Variants in GRIN2A observed in about 807,000 individuals in gnomAD.
The protein encoded by GRIN2A is glutamate ionotropic receptor NMDA type subunit 2A.
GRIN2A carries 22 observed loss-of-function variants against 113.4 expected under a neutral mutation model. That is an observed-to-expected ratio of 0.19 (90% CI 0.14 to 0.28). The LOEUF (loss-of-function observed/expected upper bound fraction) is 0.28, where lower values mean the gene tolerates loss of function less well. GRIN2A is among the 10% of genes least tolerant of loss of function. GRIN2A has a pLI of 1.00. For synonymous variants in GRIN2A, 827 were observed against 738.4 expected (o/e 1.12, Z -1.94); for missense variants, 1,502 against 1,887.0 (o/e 0.80, Z 3.78).
At chr16:9,873,666 G>C (rs2043308168) in intron 4 of GRIN2A, among the ~76,000 whole-genome samples, 1 of 152,216 alleles carries the variant, frequency 6.6e-6, no homozygotes, top group Non-Finnish European at 1.5e-5. Context: ...TGCAGAAGAA[G>C]GCTGAACAAG....
intron 8 of GRIN2A, among the ~76,000 whole-genome samples, chr16:9,830,754 T>C (rs990107003): frequency 3.9e-5 from 6 of 152,212 alleles, no homozygotes; most frequent in African/African-American, 1.2e-4. Flanking sequence ...GCTGTACTTA[T>C]AATATCCATG....
chr16:10,085,913 G>A (rs2048077480), intron 2 of GRIN2A, among the ~76,000 whole-genome samples: 1 of 152,152 alleles, frequency 6.6e-6, no homozygotes, highest in Non-Finnish European at 1.5e-5. Flanking sequence ...CAAAGTTTAT[G>A]CGCTTAACCA....
intron 4 of GRIN2A, among the ~76,000 whole-genome samples, chr16:9,857,771 T>C (rs2042994386): frequency 1.3e-5 from 2 of 152,260 alleles, no homozygotes; most frequent in South Asian, 4.1e-4. Context: ...ATTTTGTCAT[T>C]GTTTAAATCA....
chr16:10,031,831 C>A (rs1160192494), intron 2 of GRIN2A, among the ~76,000 whole-genome samples: 2 of 152,356 alleles, frequency 1.3e-5, no homozygotes, highest in African/African-American at 4.8e-5. Flanking sequence ...TCACTCTTAC[C>A]CTCCAAGCAC....
At chr16:9,789,167 G>A (rs1902434257) in intron 11 of GRIN2A, among the ~76,000 whole-genome samples, 1 of 152,198 alleles carries the variant, frequency 6.6e-6, no homozygotes, top group African/African-American at 2.4e-5. Context: ...CAATGACTAG[G>A]CTTTACATGT....
intron 2 of GRIN2A, among the ~76,000 whole-genome samples, chr16:10,037,964 G>C (rs767464018): frequency 6.6e-6 from 1 of 152,158 alleles, no homozygotes; most frequent in Admixed American, 6.5e-5. Context: ...AGTCCTTCCA[G>C]ACAAACCCAG....
chr16:10,033,736 C>T (rs2046971526), intron 2 of GRIN2A: 1 of 152,352 alleles, frequency 6.6e-6, no homozygotes, highest in Non-Finnish European at 1.5e-5. Flanking sequence ...CATGTGCGAC[C>T]AGCATTAAAG....
At chr16:9,974,940 A>C (rs2141753135) in intron 2 of GRIN2A, among the ~76,000 whole-genome samples, 1 of 152,290 alleles carries the variant, frequency 6.6e-6, no homozygotes, top group African/African-American at 2.4e-5. Context: ...AAAAGCTCTC[A>C]ATTTTCACCA....
chr16:10,031,712 C>G (rs1357308579), intron 2 of GRIN2A: 1 of 152,306 alleles, frequency 6.6e-6, no homozygotes, highest in Admixed American at 6.5e-5. Flanking sequence ...TGTTCACCAC[C>G]ATCCACCCTG....
At chr16:9,949,405 G>T in intron 2 of GRIN2A, among the ~76,000 whole-genome samples, 1 of 152,024 alleles carries the variant, frequency 6.6e-6, no homozygotes, top group South Asian at 2.1e-4. Flanking sequence ...TGGTCAAATA[G>T]GACAAATGGA....
At chr16:10,042,711 CA>C (rs1295349302) in intron 2 of GRIN2A, among the ~76,000 whole-genome samples, 1 of 152,168 alleles carries the variant, frequency 6.6e-6, no homozygotes, top group Non-Finnish European at 1.5e-5. Flanking sequence ...CAATCCCGGA[CA>C]ATGATATATT....
At chr16:10,066,179 G>A (rs932483421) in intron 2 of GRIN2A, among the ~76,000 whole-genome samples, 4 of 152,130 alleles carry the variant, frequency 2.6e-5, no homozygotes, top group African/African-American at 9.7e-5. Context: ...TGGAGTGGGA[G>A]GCTGCCAGCC....
chr16:10,144,920 C>CAGAA (rs554767267), intron 2 of GRIN2A, among the ~76,000 whole-genome samples: 2 of 59,416 alleles, frequency 3.4e-5, no homozygotes, highest in Non-Finnish European at 6.0e-5. Flanking sequence ...GACCCTGTCT[C>CAGAA]AAAAAAAAAA....
At chr16:10,147,597 G>A (rs12926704) in intron 2 of GRIN2A, among the ~76,000 whole-genome samples, 17,339 of 149,068 alleles carry the variant, frequency 0.12, 1,043 homozygotes, top group African/African-American at 0.16. Flanking sequence ...AGATTGCACC[G>A]CTGCTCTCCA....
intron 10 of GRIN2A, among the ~76,000 whole-genome samples, chr16:9,804,510 T>C (rs2041927382): frequency 6.6e-6 from 1 of 152,030 alleles, no homozygotes; most frequent in Admixed American, 6.6e-5. Flanking sequence ...ACCAGGGTTG[T>C]GTTTCTCCCA....
intron 2 of GRIN2A, among the ~76,000 whole-genome samples, chr16:10,064,687 AC>A (rs1393923298): frequency 6.6e-6 from 1 of 152,252 alleles, no homozygotes; most frequent in African/African-American, 2.4e-5. Flanking sequence ...AGACCCTGCT[AC>A]TAACAACCCC....
chr16:9,938,871 C>G (rs545922722), intron 2 of GRIN2A, among the ~76,000 whole-genome samples: 2 of 152,288 alleles, frequency 1.3e-5, no homozygotes, highest in Admixed American at 6.5e-5. Context: ...AGAACAAACT[C>G]TATCTGACCC....
chr16:10,156,036 A>C (rs2049686710), intron 2 of GRIN2A, among the ~76,000 whole-genome samples: 1 of 152,226 alleles, frequency 6.6e-6, no homozygotes, highest in South Asian at 2.1e-4. Flanking sequence ...TTTAAGTGGT[A>C]GGAGGGACCC....
chr16:10,008,351 T>C (rs1005886172), intron 2 of GRIN2A, among the ~76,000 whole-genome samples: 3 of 152,210 alleles, frequency 2.0e-5, no homozygotes, highest in African/African-American at 7.2e-5. Flanking sequence ...ATGTAACAGA[T>C]TAGCATACAA....
Sources: gnomAD v4.1 joint callset for allele counts (sites outside exome capture counted in the v4.1 genomes callset) on GRCh38, gnomAD v4.1.1 for gene constraint, MANE v1.5 for transcripts, NCBI Gene and HGNC (gene_info 2026-07-23, HGNC 2026-07-21) for gene names.